Variants in CFAP97 observed in about 807,000 individuals in gnomAD.
CFAP97 encodes cilia- and flagella-associated protein 97.
CFAP97 carries 36 observed loss-of-function variants against 43.1 expected under a neutral mutation model. The ratio of observed to expected loss-of-function variants is 0.84; its 90% confidence interval spans 0.64 to 1.10. The LOEUF is 1.10. Among genes scored for constraint, CFAP97 ranks in the 50% least tolerant of loss-of-function variants. CFAP97 has a pLI of 0.00. For missense variants in CFAP97, 657 were observed against 620.3 expected (o/e 1.06, Z -0.63); for synonymous variants, 228 against 225.7 (o/e 1.01, Z -0.09).
chr4:185,191,990 A>T (rs1447912069), intron 1 of CFAP97, among the ~76,000 whole-genome samples: 1 of 152,230 alleles, frequency 6.6e-6, no homozygotes, highest in Non-Finnish European at 1.5e-5. Flanking sequence ...GAAACATCTC[A>T]TAGGACCAGC....
At chr4:185,193,178 G>A (rs901257558) in intron 1 of CFAP97, among the ~76,000 whole-genome samples, 14 of 152,150 alleles carry the variant, frequency 9.2e-5, no homozygotes, top group African/African-American at 3.4e-4. Context: ...ATATGCCTGG[G>A]GTGGCAGGAA....
intron 2 of CFAP97, among the ~76,000 whole-genome samples, chr4:185,187,012 T>G (rs1313961532): frequency 1.3e-5 from 2 of 152,162 alleles, no homozygotes; most frequent in African/African-American, 4.8e-5. Context: ...TGCTCTAGCT[T>G]AACTAATGAA....
Position 185,162,577 on chromosome 4 carries a change from G to A in CFAP97, c.*221C>T, listed in dbSNP as rs566946574. The A allele has an allele frequency of 1.9e-6, 1 of 524,868 alleles. No homozygotes were observed. Among genetic ancestry groups the A allele is most frequent in the Non-Finnish European group, 3.4e-6 (1 of 296,956 alleles). The allele number at this position is 524,868 out of a possible 1,614,324, so 32.5% of individuals were successfully genotyped here. ...ATGCATACCACTATTTCTCTATTAA[G>A]AACACATACATCTCATATAAATACA... On this transcript the variant is annotated 3_prime_UTR_variant, in exon 5 of 5. Coordinates refer to ENST00000458385, the MANE Select transcript of CFAP97 (RefSeq NM_020827.3).
intron 1 of CFAP97, among the ~76,000 whole-genome samples, chr4:185,200,991 A>G (rs1047790275): frequency 6.6e-6 from 1 of 152,222 alleles, no homozygotes; most frequent in East Asian, 1.9e-4. Context: ...CTAATAAAGC[A>G]GCGGCAGGGT....
intron 2 of CFAP97, among the ~76,000 whole-genome samples, chr4:185,189,748 T>C (rs1384670097): frequency 6.6e-6 from 1 of 152,244 alleles, no homozygotes; most frequent in East Asian, 1.9e-4. Context: ...CCACTGTCCC[T>C]GATATGAGGA....
In CFAP97 at chr4:185,166,975, A is replaced by T. The variant is rs537517572; in HGVS notation, c.1321-2796T>A. 4.6e-5 allele frequency among the ~76,000 whole-genome samples: 7 copies of T among 151,644 alleles called. No individual in the cohort carries two copies. In the East Asian group the frequency reaches 1.2e-3, roughly 25 times the overall value. ...ATTAACTTTCTTAAAACATTATGAG[A>T]TTTTTTTTTGGTGATTTTTTTTTTT... On this transcript the variant is annotated intron_variant, in intron 3 of 4. Transcript: ENST00000458385.
chr4:185,201,954 T>C (rs1406153789), intron 1 of CFAP97, among the ~76,000 whole-genome samples: 1 of 152,172 alleles, frequency 6.6e-6, no homozygotes, highest in African/African-American at 2.4e-5. Context: ...AAAATTAACA[T>C]AAAATACGTA....
Position 185,190,065 on chromosome 4 carries a change from T to C in CFAP97, c.1054+78A>G, listed in dbSNP as rs1037970993. 11 of 1,171,708 alleles carry C rather than the reference T, an allele frequency of 9.4e-6. No individual in the cohort carries two copies. The Admixed American group carries it at 1.4e-4, about 15-fold the overall frequency. The allele number at this position is 1,171,708 out of a possible 1,614,324, so 72.6% of individuals were successfully genotyped here. A position where few individuals can be genotyped will look rare whatever the true frequency, so the allele number is the denominator to read the frequency against. On this transcript the variant is annotated intron_variant, in intron 2 of 4. Transcript: ENST00000458385. ...CAATAAAAAATATCTACTAGATCAA[T>C]GCAAATTCATAGCATTTAATATTTA...
At chr4:185,163,019 C>T (rs745959288) in intron 4 of CFAP97, 94 bp from the exon 5 acceptor site, 28 of 1,120,722 alleles carry the variant, frequency 2.5e-5, no homozygotes, top group Non-Finnish European at 2.7e-5. Flanking sequence ...GTCTAATAGT[C>T]TAATGCTATG....
rs761367687 is a variant in CFAP97 at position 185,162,826 on chromosome 4, G to T, written c.1571C>A (p.Pro524His). 6.2e-7 allele frequency: 1 copy of T among 1,613,058 alleles called. No homozygotes were observed. The change falls in exon 5 of 5, where the codon CCC becomes CAC. Residue 524 changes from proline (P) to histidine (H), a missense_variant. Physicochemically the swap from Pro to His is moderately conservative, Grantham distance 77. Coordinates refer to ENST00000458385, the MANE Select transcript of CFAP97 (RefSeq NM_020827.3). ...SSGHPRRRPK[P>H]PNVRTAWL The stretch of plus-strand genomic sequence containing the variant: ...TAACCAAGCTGTACGGACATTAGGG[G>T]GTTTAGGTCTTCTTCGAGGGTGGCC...
intron 1 of CFAP97, among the ~76,000 whole-genome samples, chr4:185,195,341 T>C (rs999427468): frequency 6.6e-6 from 1 of 152,152 alleles, no homozygotes. Flanking sequence ...AAAAATTAGC[T>C]GGGCATAGTG....
rs759759948 is a variant in CFAP97, at chr4:185,190,783, G to C, written c.414C>G (p.Ser138Arg). The C allele has an allele frequency of 1.2e-6, 2 of 1,604,916 alleles. No individual in the cohort carries two copies. Among genetic ancestry groups the C allele is most frequent in the African/African-American group, 2.7e-5 (2 of 74,998 alleles). ...EDDYYTDGEE[S>R]SDDGKKYHVK... Reference sequence around the variant, plus strand: ...CATGGTATTTCTTCCCATCATCACTGCTTTCCTCTCCATCTGTGTAGTAAT... The same window carrying C: ...CATGGTATTTCTTCCCATCATCACTCCTTTCCTCTCCATCTGTGTAGTAAT... The change falls in exon 2 of 5, where the codon AGC becomes AGG. Residue 138 changes from serine (S) to arginine (R), a missense_variant. Transcript: ENST00000458385.
chr4:185,190,557 T>C lies in CFAP97; in HGVS notation c.640A>G (p.Ile214Val). Residue 214 changes from isoleucine (I) to valine (V), a missense_variant, in exon 2 of 5, where the codon ATA becomes GTA. Ile to Val is a conservative substitution (Grantham distance 29, BLOSUM62 3). Coordinates refer to ENST00000458385, the MANE Select transcript of CFAP97 (RefSeq NM_020827.3). ...SKSSKKHVSG[I>V]TLLSPKHKYK... is the part of the protein sequence containing the mutation. ...TTGTGTTTTGGTGACAGGAGGGTTA[T>C]ACCAGATACATGTTTCTTAGATGAC... 1.2e-6 allele frequency: 2 copies of C among 1,613,906 alleles called. No homozygotes were observed. Among genetic ancestry groups the C allele is most frequent in the Non-Finnish European group, 1.7e-6 (2 of 1,179,834 alleles).
At chr4:185,195,558 C>G (rs1271974239) in intron 1 of CFAP97, among the ~76,000 whole-genome samples, 2 of 152,144 alleles carry the variant, frequency 1.3e-5, no homozygotes, top group Non-Finnish European at 2.9e-5. Flanking sequence ...ATGCTATATT[C>G]TTCATGAGCA....
intron 2 of CFAP97, among the ~76,000 whole-genome samples, chr4:185,176,413 C>A (rs924219150): frequency 6.6e-6 from 1 of 151,116 alleles, no homozygotes; most frequent in African/African-American, 2.4e-5. Flanking sequence ...GTGCCTGGCC[C>A]GGTGGTACAT....
At chr4:185,183,512 C>G (rs1735885462) in intron 2 of CFAP97, among the ~76,000 whole-genome samples, 1 of 152,228 alleles carries the variant, frequency 6.6e-6, no homozygotes, top group African/African-American at 2.4e-5. Flanking sequence ...AAGGCACAAG[C>G]CTGGCTCTGC....
intron 3 of CFAP97, among the ~76,000 whole-genome samples, chr4:185,166,937 C>A (rs1735093399): frequency 6.6e-6 from 1 of 152,106 alleles, no homozygotes; most frequent in Non-Finnish European, 1.5e-5. Flanking sequence ...TGAATGCGGC[C>A]CAGCGCAAAT....
At chr4:185,171,731 T>C (rs888277563) in intron 3 of CFAP97, among the ~76,000 whole-genome samples, 3 of 152,180 alleles carry the variant, frequency 2.0e-5, no homozygotes, top group Non-Finnish European at 4.4e-5. Flanking sequence ...CTTTCTTTTT[T>C]TGAGATAGGG....
intron 2 of CFAP97, among the ~76,000 whole-genome samples, chr4:185,178,074 A>G (rs1260752712): frequency 6.6e-6 from 1 of 151,994 alleles, no homozygotes; most frequent in East Asian, 1.9e-4. Flanking sequence ...ACAAAACCTG[A>G]ATGAGAAACA....
Sources: allele counts gnomAD v4.1 joint callset (sites outside exome capture counted in the v4.1 genomes callset), GRCh38; gene constraint gnomAD v4.1.1; transcripts MANE v1.5; gene names NCBI Gene and HGNC (gene_info 2026-07-23, HGNC 2026-07-21).